The following METRN variants were observed in gnomAD, a reference collection of about 807,000 sequenced individuals.
The protein encoded by METRN is meteorin.
A neutral mutation model predicts 17.4 loss-of-function variants in METRN; 17 were observed. The ratio of observed to expected loss-of-function variants is 0.98; its 90% confidence interval spans 0.67 to 1.46. The LOEUF is 1.46. METRN is among the 40% of genes most tolerant of loss of function. The pLI, the probability that METRN is intolerant of heterozygous loss-of-function variation, is 0.00. For missense variants in METRN, 489 were observed against 456.2 expected, an observed-to-expected ratio of 1.07 and a Z score of -0.65; for synonymous variants, 230 against 210.8, an observed-to-expected ratio of 1.09 and a Z score of -0.79.
rs2151526979 is a variant in METRN at position 715,620 on chromosome 16, G to A, written c.141G>A (p.Leu47=). 2 of 1,421,186 alleles carry A rather than the reference G, an allele frequency of 1.4e-6. No homozygotes were observed. Among genetic ancestry groups the A allele is most frequent in the Non-Finnish European group, 1.8e-6 (2 of 1,092,882 alleles). 88.0% of individuals were successfully genotyped at this position (1,421,186 alleles called of 1,614,324 possible). Residue 47 remains leucine (L), a synonymous_variant, in exon 2 of 4, where the codon CTG becomes CTA. Transcript: ENST00000568223. The part of the protein sequence containing the change: ...LTQEPGSVGQ[L]ALACAEGAVE... ...AGGAGCCCGGCAGCGTGGGGCAGCT[G>A]GCCCTGGCCTGTGCGGAGGGCGCGG...
chr16:716,601 G>T (rs895275265), intron 2 of METRN: 10 of 1,535,328 alleles, frequency 6.5e-6, no homozygotes, highest in Non-Finnish European at 8.7e-6. Flanking sequence ...GAAACTAGAG[G>T]GGTCCCAGAT....
In METRN at chr16:717,434, C is replaced by T; in HGVS notation, c.*47C>T. ...GCTGGTAGGAGGGAGGGTGGGCCCA[C>T]TGCTTTGGAGGTGATGGGACTATCA... On this transcript the variant is annotated 3_prime_UTR_variant, in exon 4 of 4. Coordinates refer to ENST00000568223, the MANE Select transcript of METRN (RefSeq NM_024042.4). 7.7e-7 allele frequency: 1 copy of T among 1,297,494 alleles called. No individual in the cohort carries two copies. The highest frequency in any genetic ancestry group is 1.0e-6 in the Non-Finnish European group (1 of 993,466). The allele number at this position is 1,297,494 out of a possible 1,614,324, so 80.4% of individuals were successfully genotyped here.
Position 717,582 on chromosome 16 carries a change from CAG to C in METRN, c.*196_*197del, listed in dbSNP as rs1417990708. On this transcript the variant is annotated 3_prime_UTR_variant, in exon 4 of 4. Transcript: ENST00000568223. ...TGCCTCCTGGCGGGAGACTGAGGCT[CAG>C]GGGAATGGTATCTTGTTCAAGACCA... 2 of 471,662 alleles carry C rather than the reference CAG, an allele frequency of 4.2e-6. No homozygotes were observed. The highest frequency in any genetic ancestry group is 7.2e-6 in the Non-Finnish European group (2 of 278,640). The allele number at this position is 471,662 out of a possible 1,614,324, so 29.2% of individuals were successfully genotyped here.
chr16:716,030 A>G (rs2151527200), intron 2 of METRN, 46 bp downstream of exon 2: 2 of 1,397,292 alleles, frequency 1.4e-6, no homozygotes, highest in East Asian at 6.1e-5. Context: ...CCGAAGTCTT[A>G]CCCTGCCTGG....
rs1190630188 is a variant in METRN, at chr16:717,127, A to G, written c.622A>G (p.Ile208Val). 3 of 1,601,578 alleles carry G rather than the reference A, an allele frequency of 1.9e-6. No individual in the cohort carries two copies. Among genetic ancestry groups the G allele is most frequent in the Admixed American group, 3.4e-5 (2 of 59,010 alleles). Residue 208 changes from isoleucine (I) to valine (V), a missense_variant, in exon 4 of 4, where the codon ATC becomes GTC. Ile to Val is a conservative substitution (Grantham distance 29). Transcript: ENST00000568223. ...TGACGTGGAGCTGCAGGAGTCTGTC[A>G]TCACTGTGGTGGCCGCCCGTGTCCT... ...THDVELQESV[I>V]TVVAARVLRQ...
intron 2 of METRN, chr16:716,695 G>C: frequency 2.0e-6 from 3 of 1,535,482 alleles, no homozygotes; most frequent in Admixed American, 3.9e-5. Flanking sequence ...GCCCACGTCT[G>C]TGTGCATTCC....
chr16:716,994 T>C lies in METRN; in HGVS notation c.565+2T>C. On this transcript the variant is annotated splice_donor_variant, in intron 3 of 3. Transcript: ENST00000568223. LOFTEE classifies it high-confidence loss of function. Reference sequence around the variant, plus strand: ...TGGCCGCATGCACCAGCGACTTCGGTGAGTGTCCCCGCCATGGGGGGAGCC... The same window carrying C: ...TGGCCGCATGCACCAGCGACTTCGGCGAGTGTCCCCGCCATGGGGGGAGCC... 1.2e-6 allele frequency: 2 copies of C among 1,607,996 alleles called. No individual in the cohort carries two copies. The highest frequency in any genetic ancestry group is 1.1e-5 in the South Asian group (1 of 90,634).
At position 715,641 on chromosome 16, in the gene METRN, C is replaced by CCG; in HGVS notation, c.162_163insCG (p.Ala55ArgfsTer14). On this transcript the variant is annotated frameshift_variant, in exon 2 of 4. Coordinates refer to ENST00000568223, the MANE Select transcript of METRN (RefSeq NM_024042.4). LOFTEE classifies it high-confidence loss of function. The stretch of plus-strand genomic sequence containing the variant: ...AGCTGGCCCTGGCCTGTGCGGAGGG[C>CCG]GCGGTTGAGTGGCTGTACCCGGCTG... 26 of 1,435,224 alleles carry CCG rather than the reference C, an allele frequency of 1.8e-5. No individual in the cohort carries two copies. The highest frequency in any genetic ancestry group is 2.3e-5 in the Non-Finnish European group (25 of 1,099,628). 88.9% of individuals were successfully genotyped at this position (1,435,224 alleles called of 1,614,324 possible). A position where few individuals can be genotyped will look rare whatever the true frequency, so the allele number is the denominator to read the frequency against.
rs1411120240 is a variant in METRN, at chr16:718,795, T to C, written c.*1408T>C. 1 of 152,496 alleles carries C rather than the reference T, an allele frequency of 6.6e-6. No homozygotes were observed. Among genetic ancestry groups the C allele is most frequent in the Admixed American group, 6.5e-5 (1 of 15,284 alleles). 9.4% of individuals were successfully genotyped at this position (152,496 alleles called of 1,614,324 possible). A position where few individuals can be genotyped will look rare whatever the true frequency, so the allele number is the denominator to read the frequency against. Reference sequence around the variant, plus strand: ...TGCTGCTTCTCTCCTCTCCCAACTGTGGCACGCTGAGGGCTCAGGCACAGG... The same window carrying C: ...TGCTGCTTCTCTCCTCTCCCAACTGCGGCACGCTGAGGGCTCAGGCACAGG... On this transcript the variant is annotated 3_prime_UTR_variant, in exon 4 of 4. Transcript: ENST00000568223.
Position 717,571 on chromosome 16 carries a change from A to G in METRN, c.*184A>G. The G allele has an allele frequency of 2.1e-6, 1 of 486,600 alleles. No homozygotes were observed. Among genetic ancestry groups the G allele is most frequent in the Non-Finnish European group, 3.4e-6 (1 of 293,350 alleles). The allele number at this position is 486,600 out of a possible 1,614,324, so 30.1% of individuals were successfully genotyped here. ...GCTCCAATTCCTGCCTCCTGGCGGGAGACTGAGGCTCAGGGGAATGGTATC... is the reference window on the plus strand; with the variant it reads ...GCTCCAATTCCTGCCTCCTGGCGGGGGACTGAGGCTCAGGGGAATGGTATC... On this transcript the variant is annotated 3_prime_UTR_variant, in exon 4 of 4. Transcript: ENST00000568223.
At chr16:716,814 G>C in intron 2 of METRN, 119 bp from the exon 3 acceptor site, 1 of 1,509,618 alleles carries the variant, frequency 6.6e-7, no homozygotes. Context: ...ATCAGGCCCT[G>C]AGCGTGGGCT....
At position 717,281 on chromosome 16, in the gene METRN, T is replaced by G. The variant is rs1308568556; in HGVS notation, c.776T>G (p.Phe259Cys). 3 of 1,546,194 alleles carry G rather than the reference T, an allele frequency of 1.9e-6. No homozygotes were observed. Among genetic ancestry groups the G allele is most frequent in the Non-Finnish European group, 2.6e-6 (3 of 1,148,286 alleles). Residue 259 changes from phenylalanine to cysteine, a missense_variant, in exon 4 of 4, where the codon TTT (phenylalanine) becomes TGT (cysteine). Physicochemically the swap from Phe to Cys is radical, Grantham distance 205. Transcript: ENST00000568223. ...GTFLFMGWSR[F>C]GEARLGCAPR... ...TTCCTCTTCATGGGCTGGAGCCGCT[T>G]TGGGGAGGCCCGGCTGGGCTGTGCC... is the stretch of plus-strand genomic sequence containing the variant.
Position 717,415 on chromosome 16 carries a change from A to C in METRN, c.*28A>C. 10 of 723,498 alleles carry C rather than the reference A, an allele frequency of 1.4e-5. No individual in the cohort carries two copies. Among genetic ancestry groups the C allele is most frequent in the South Asian group, 2.1e-5 (1 of 47,352 alleles). The allele number at this position is 723,498 out of a possible 1,614,324, so 44.8% of individuals were successfully genotyped here. Reference sequence around the variant, plus strand: ...GGCTGGGTGCTGGGGAGGGGCTGGTAGGAGGGAGGGTGGGCCCACTGCTTT... The same window carrying C: ...GGCTGGGTGCTGGGGAGGGGCTGGTCGGAGGGAGGGTGGGCCCACTGCTTT... On this transcript the variant is annotated 3_prime_UTR_variant, in exon 4 of 4. Coordinates refer to ENST00000568223, the MANE Select transcript of METRN (RefSeq NM_024042.4).
Position 717,677 on chromosome 16 carries a change from C to G in METRN, c.*290C>G. ...CCCACATTCCGGGGAGGGGCCGCTG[C>G]TGGGTGGGGGGCACGTGGGGACCTG... is the stretch of plus-strand genomic sequence containing the variant. On this transcript the variant is annotated 3_prime_UTR_variant, in exon 4 of 4. Transcript: ENST00000568223. 2.8e-6 allele frequency: 1 copy of G among 354,602 alleles called. No homozygotes were observed. Among genetic ancestry groups the G allele is most frequent in the East Asian group, 4.4e-5 (1 of 22,972 alleles). 22.0% of individuals were successfully genotyped at this position (354,602 alleles called of 1,614,324 possible). A position where few individuals can be genotyped will look rare whatever the true frequency, so the allele number is the denominator to read the frequency against.
chr16:716,749 G>T, intron 2 of METRN, 184 bp from the exon 3 acceptor site: 1 of 1,535,310 alleles, frequency 6.5e-7, no homozygotes, highest in Non-Finnish European at 8.7e-7. Context: ...CTGAGTACAG[G>T]TGTCGCCGAG....
chr16:716,727 C>T (rs766052447), intron 2 of METRN: 2 of 1,535,470 alleles, frequency 1.3e-6, no homozygotes, highest in African/African-American at 1.4e-5. Flanking sequence ...TACGCGCCTG[C>T]AAGTGTGTTT....
Position 715,622 on chromosome 16 carries a change from C to T in METRN, c.143C>T (p.Ala48Val), listed in dbSNP as rs761459887. Residue 48 changes from alanine (A) to valine (V), a missense_variant, in exon 2 of 4, where the codon GCC becomes GTC. By Grantham distance (64) the Ala-to-Val change is moderately conservative. Transcript: ENST00000568223. ...GAGCCCGGCAGCGTGGGGCAGCTGG[C>T]CCTGGCCTGTGCGGAGGGCGCGGTT... ...TQEPGSVGQL[A>V]LACAEGAVEW... 5 of 1,426,698 alleles carry T rather than the reference C, an allele frequency of 3.5e-6. No homozygotes were observed. The highest frequency in any genetic ancestry group is 5.6e-5 in the Admixed American group (2 of 35,520). The allele number at this position is 1,426,698 out of a possible 1,614,324, so 88.4% of individuals were successfully genotyped here.
Position 715,570 on chromosome 16 carries a change from C to T in METRN, c.105-14C>T. The T allele has an allele frequency of 7.6e-7, 1 of 1,323,224 alleles. No homozygotes were observed. The highest frequency in any genetic ancestry group is 2.0e-5 in the South Asian group (1 of 49,408). The allele number at this position is 1,323,224 out of a possible 1,614,324, so 82.0% of individuals were successfully genotyped here. A position where few individuals can be genotyped will look rare whatever the true frequency, so the allele number is the denominator to read the frequency against. On this transcript the variant is annotated splice_polypyrimidine_tract_variant and intron_variant, in intron 1 of 3. Coordinates refer to ENST00000568223, the MANE Select transcript of METRN (RefSeq NM_024042.4). ...CCGCCCCCGTCTCAGCGCCCCGTCC[C>T]GTCCTGTCCCCAGCGGCCTCACCCA...
intron 1 of METRN, 94 bp from the exon 2 acceptor site, chr16:715,490 T>C: frequency 7.9e-7 from 1 of 1,261,388 alleles, no homozygotes; most frequent in South Asian, 2.6e-5. Context: ...CTGGGCCGGT[T>C]TCCCCATCCG....
Sources: allele counts gnomAD v4.1 joint callset, GRCh38; gene constraint gnomAD v4.1.1; transcripts MANE v1.5; gene names NCBI Gene and HGNC (gene_info 2026-07-23, HGNC 2026-07-21).